The following NBAS variants were observed in gnomAD, a reference collection of about 807,000 sequenced individuals.
The protein encoded by NBAS is NBAS subunit of NRZ tethering complex, also known as NAG/BC035112 fusion.
A neutral mutation model predicts 302.5 loss-of-function variants in NBAS; 219 were observed. The ratio of observed to expected loss-of-function variants is 0.72; its 90% CI spans 0.65 to 0.81. The LOEUF is 0.81. Among genes scored for constraint, NBAS ranks in the 30% least tolerant of loss-of-function variants. The pLI is 0.00. For missense variants in NBAS, 2,932 were observed against 2,841.6 expected (o/e 1.03, Z -0.72); for synonymous variants, 1,118 against 1,021.6 (o/e 1.09, Z -1.80).
At chr2:15,209,358 A>G (rs1666299210) in intron 48 of NBAS, among the ~76,000 whole-genome samples, 1 of 152,176 alleles carries the variant, frequency 6.6e-6, no homozygotes, top group South Asian at 2.1e-4. Context: ...AATTCTACCA[A>G]ATATTTAAAG....
Position 15,391,650 on chromosome 2 carries a change from G to T in NBAS, c.3257+2577C>A, listed in dbSNP as rs1211377771. On this transcript the variant is annotated intron_variant, in intron 28 of 51. Transcript: ENST00000281513. The stretch of plus-strand genomic sequence containing the variant: ...AAATACGCAAAAATTTTCCAAGTTG[G>T]ATGGAAACTATAAACCCAAAGACCC... Among the ~76,000 whole-genome samples the T allele has an allele frequency of 2.6e-5, 4 of 152,018 alleles. No individual in the cohort carries two copies. In the East Asian group the frequency reaches 7.7e-4, roughly 29 times the overall value.
chr2:15,358,441 T>C (rs1313831012), intron 32 of NBAS, among the ~76,000 whole-genome samples: 2 of 151,904 alleles, frequency 1.3e-5, no homozygotes, highest in Non-Finnish European at 2.9e-5. Flanking sequence ...CGTGTGCCCG[T>C]GTGCATGTAT....
At chr2:14,939,122 G>A in the NBAS span, among the ~76,000 whole-genome samples, 1 of 152,244 alleles carries the variant, frequency 6.6e-6, no homozygotes, top group Non-Finnish European at 1.5e-5. Flanking sequence ...GGGGTCCTGG[G>A]AGGGTTAGGT....
the NBAS span, among the ~76,000 whole-genome samples, chr2:14,831,352 G>A: frequency 6.6e-6 from 1 of 151,978 alleles, no homozygotes; most frequent in Non-Finnish European, 1.5e-5. Context: ...CATTCGTGGG[G>A]ATAAAATAAT....
chr2:15,412,738 C>G (rs1029409506), intron 25 of NBAS, among the ~76,000 whole-genome samples: 8 of 152,170 alleles, frequency 5.3e-5, no homozygotes, highest in Admixed American at 1.3e-4. Flanking sequence ...ATAGAAGTCA[C>G]TGTGTCAAAC....
the NBAS span, among the ~76,000 whole-genome samples, chr2:15,124,157 T>A: frequency 7.2e-5 from 11 of 152,320 alleles, no homozygotes; most frequent in Middle Eastern, 3.4e-3. Context: ...GGCTGCATTG[T>A]CTCCATGTCC....
At chr2:15,159,730 T>C in the NBAS span, among the ~76,000 whole-genome samples, 2 of 151,992 alleles carry the variant, frequency 1.3e-5, no homozygotes, top group Admixed American at 6.6e-5. Flanking sequence ...TACTGAACTG[T>C]ACAGTAAGAA....
At chr2:15,537,133 CG>C (rs554979889) in intron 7 of NBAS, among the ~76,000 whole-genome samples, 159 of 152,288 alleles carry the variant, frequency 1.0e-3, no homozygotes, top group African/African-American at 3.8e-3. Context: ...TCGAATATGC[CG>C]ACCCAAAATA....
the NBAS span, among the ~76,000 whole-genome samples, chr2:14,987,780 G>GA: frequency 2.0e-5 from 3 of 152,164 alleles, no homozygotes; most frequent in South Asian, 4.1e-4. Flanking sequence ...TATGCCTAGA[G>GA]AAAAAATTCA....
At chr2:15,212,090 A>G (rs1447932394) in intron 48 of NBAS, among the ~76,000 whole-genome samples, 4 of 152,188 alleles carry the variant, frequency 2.6e-5, no homozygotes, top group Admixed American at 6.5e-5. Flanking sequence ...CTAAGCCCCC[A>G]TATCTAAGCA....
At chr2:15,164,294 T>C (rs971438786), downstream of NBAS, among the ~76,000 whole-genome samples, 7 of 152,200 alleles carry the variant, frequency 4.6e-5, no homozygotes, top group African/African-American at 1.7e-4. Context: ...GCCCACCAGG[T>C]TCTCAGCAGA....
the NBAS span, among the ~76,000 whole-genome samples, chr2:14,785,804 C>A: frequency 2.6e-5 from 4 of 152,042 alleles, no homozygotes; most frequent in South Asian, 2.1e-4. Context: ...TGTCTCTGCC[C>A]AGCTTTGGTA....
chr2:15,480,698 C>A (rs1470453007), intron 12 of NBAS, among the ~76,000 whole-genome samples: 1 of 152,050 alleles, frequency 6.6e-6, no homozygotes, highest in Non-Finnish European at 1.5e-5. Flanking sequence ...CAGGAAAATA[C>A]AAAGTTTATT....
At chr2:15,197,450 C>G (rs977681567) in intron 48 of NBAS, among the ~76,000 whole-genome samples, 4 of 152,170 alleles carry the variant, frequency 2.6e-5, no homozygotes, top group Non-Finnish European at 4.4e-5. Flanking sequence ...TATATTCATT[C>G]AATTCCACAA....
chr2:14,925,713 A>G, the NBAS span, among the ~76,000 whole-genome samples: 1 of 152,152 alleles, frequency 6.6e-6, no homozygotes, highest in South Asian at 2.1e-4. Flanking sequence ...CTCCTCGGTG[A>G]TTCATTCTTG....
the NBAS span, among the ~76,000 whole-genome samples, chr2:15,019,401 G>T: frequency 6.6e-6 from 1 of 152,100 alleles, no homozygotes; most frequent in East Asian, 1.9e-4. Context: ...AAAAGTCAAA[G>T]AACTTTTTAA....
chr2:15,498,395 C>A (rs369566531), intron 11 of NBAS, among the ~76,000 whole-genome samples: 1 of 152,192 alleles, frequency 6.6e-6, no homozygotes, highest in African/African-American at 2.4e-5. Context: ...CATACAGTGT[C>A]TGGCATACAA....
chr2:14,949,405 C>T, the NBAS span, among the ~76,000 whole-genome samples: 3 of 151,998 alleles, frequency 2.0e-5, no homozygotes, highest in Non-Finnish European at 2.9e-5. Flanking sequence ...AAACAAATAA[C>T]ATAATTTTAA....
At chr2:15,283,026 G>A (rs2148076027) in intron 42 of NBAS, among the ~76,000 whole-genome samples, 1 of 152,166 alleles carries the variant, frequency 6.6e-6, no homozygotes, top group African/African-American at 2.4e-5. Flanking sequence ...TTGCTTTTCG[G>A]CAGCTTTTGT....
Sources: gnomAD v4.1 joint callset for allele counts (sites outside exome capture counted in the v4.1 genomes callset) on GRCh38, gnomAD v4.1.1 for gene constraint, MANE v1.5 for transcripts, NCBI Gene and HGNC (gene_info 2026-07-23, HGNC 2026-07-21) for gene names.